Variants in NDUFA10 observed in about 807,000 individuals in gnomAD.
NDUFA10 encodes the protein NADH dehydrogenase [ubiquinone] 1 alpha subcomplex subunit 10, mitochondrial.
In NDUFA10, 40 loss-of-function variants were observed where a neutral mutation model predicts 47.8. The observed-to-expected ratio is 0.84, with a 90% CI of 0.65 to 1.09. The LOEUF (loss-of-function observed/expected upper bound fraction) is 1.09. NDUFA10 is among the 50% of genes least tolerant of loss of function. NDUFA10 has a pLI of 0.00. For missense variants in NDUFA10, 413 were observed against 451.1 expected (o/e 0.92, Z 0.76); for synonymous variants, 183 against 172.2 (o/e 1.06, Z -0.49).
At chr2:239,924,136 T>C (rs563820760) in intron 4 of NDUFA10, among the ~76,000 whole-genome samples, 1 of 152,220 alleles carries the variant, frequency 6.6e-6, no homozygotes, top group East Asian at 1.9e-4. Flanking sequence ...GAGTAATTAG[T>C]GCCAATTATA....
chr2:240,015,113 C>T (rs1414402493), intron 4 of NDUFA10, among the ~76,000 whole-genome samples: 2 of 152,224 alleles, frequency 1.3e-5, no homozygotes, highest in Non-Finnish European at 2.9e-5. Flanking sequence ...TTGTCGCCTC[C>T]ACTGTATTTA....
chr2:239,934,654 G>A (rs1694234467), intron 4 of NDUFA10, among the ~76,000 whole-genome samples: 1 of 152,132 alleles, frequency 6.6e-6, no homozygotes, highest in Non-Finnish European at 1.5e-5. Context: ...TGATTAGTAA[G>A]TGCAGAGTCA....
At chr2:239,993,742 G>A (rs779636355) in intron 8 of NDUFA10, among the ~76,000 whole-genome samples, 18 of 152,196 alleles carry the variant, frequency 1.2e-4, no homozygotes, top group Non-Finnish European at 2.1e-4. Flanking sequence ...TTAGAGACAA[G>A]GGAGAGAAGT....
chr2:239,907,923 T>C (rs1341792188), intron 4 of NDUFA10, among the ~76,000 whole-genome samples: 5 of 152,172 alleles, frequency 3.3e-5, no homozygotes, highest in Non-Finnish European at 5.9e-5. Context: ...ATATAAATCG[T>C]GCTGCTATAA....
intron 8 of NDUFA10, among the ~76,000 whole-genome samples, chr2:239,992,745 G>T (rs575047601): frequency 6.6e-5 from 10 of 152,276 alleles, no homozygotes; most frequent in African/African-American, 2.4e-4. Context: ...TAGGGATGTG[G>T]ATATGAACAA....
chr2:239,914,114 C>A (rs1194751908), intron 4 of NDUFA10, among the ~76,000 whole-genome samples: 1 of 152,166 alleles, frequency 6.6e-6, no homozygotes, highest in Non-Finnish European at 1.5e-5. Flanking sequence ...GCAACACACA[C>A]AGACACACAC....
chr2:240,001,606 T>G (rs571729446), intron 8 of NDUFA10, among the ~76,000 whole-genome samples: 2 of 152,316 alleles, frequency 1.3e-5, no homozygotes, highest in Middle Eastern at 3.4e-3. Flanking sequence ...TATGAAATGG[T>G]GAGTCTCTGG....
At chr2:239,913,520 G>A (rs1693790012) in intron 4 of NDUFA10, among the ~76,000 whole-genome samples, 1 of 152,166 alleles carries the variant, frequency 6.6e-6, no homozygotes, top group African/African-American at 2.4e-5. Flanking sequence ...CACCTCAGAC[G>A]CCTCCACGTG....
At position 239,912,187 on chromosome 2, in the gene NDUFA10, C is replaced by A. The variant is rs1161301242; in HGVS notation, c.295-16873G>T. On this transcript the variant is annotated intron_variant, in intron 4 of 5. Coordinates refer to the NDUFA10 transcript ENST00000419408. ...TCTGGGCGGCACACAGAGCACCCAG[C>A]ACTTTGCACCCCCCTCTGGTCCTGC... 2.0e-5 allele frequency among the ~76,000 whole-genome samples: 3 copies of A among 152,192 alleles called. No individual in the cohort carries two copies. The East Asian group carries it at 5.8e-4, about 29-fold the overall frequency.
chr2:239,957,366 GTA>G (rs573846161), downstream of NDUFA10: 157 of 152,242 alleles, frequency 1.0e-3, no homozygotes, highest in African/African-American at 3.7e-3. Flanking sequence ...TAATCACCAG[GTA>G]TAGTCTCATT....
At chr2:240,025,181 CGCCACCCTGCCACCCCGCCACCCT>C (rs1409558639) in intron 1 of NDUFA10, 22 bp downstream of exon 1, 1 of 617,754 alleles carries the variant, frequency 1.6e-6, no homozygotes, top group African/African-American at 3.0e-5. Context: ...CCCGCCACCC[CGCCACCCTGCCACCCCGCCACCCT>C]GCCACCCCGC....
At chr2:239,930,569 C>T (rs987757276) in intron 4 of NDUFA10, among the ~76,000 whole-genome samples, 12 of 152,056 alleles carry the variant, frequency 7.9e-5, no homozygotes, top group African/African-American at 2.4e-4. Flanking sequence ...CCCTGCCTGC[C>T]GCCCCCAAAG....
chr2:239,943,261 AG>A (rs1278310729), intron 4 of NDUFA10, among the ~76,000 whole-genome samples: 1 of 152,236 alleles, frequency 6.6e-6, no homozygotes, highest in East Asian at 1.9e-4. Flanking sequence ...GCTTGGTGGC[AG>A]GTCAGAGCCA....
At chr2:239,931,962 A>C (rs1004512591) in intron 4 of NDUFA10, among the ~76,000 whole-genome samples, 41 of 147,732 alleles carry the variant, frequency 2.8e-4, no homozygotes, top group Non-Finnish European at 2.4e-4. Flanking sequence ...CAGCCTCCCA[A>C]GTAGCTGGGA....
At chr2:239,900,315 C>CATATATATATATATATATATATATAT (rs142452963) in intron 4 of NDUFA10, among the ~76,000 whole-genome samples, 1 of 142,734 alleles carries the variant, frequency 7.0e-6, no homozygotes, top group African/African-American at 2.6e-5. Context: ...AACTCCCCTT[C>CATATATATATATATATATATATATAT]ATATATATAT....
downstream of NDUFA10, among the ~76,000 whole-genome samples, chr2:239,953,463 T>C (rs1307828107): frequency 1.3e-5 from 2 of 152,214 alleles, no homozygotes; most frequent in African/African-American, 2.4e-5. Context: ...CTGCTCCGCG[T>C]TGATCTGGGC....
chr2:239,989,968 C>G (rs1696176582), intron 9 of NDUFA10, 106 bp downstream of exon 9: 1 of 853,988 alleles, frequency 1.2e-6, no homozygotes, highest in African/African-American at 1.7e-5. Flanking sequence ...CTAAAACAAA[C>G]AAAACACAGC....
intron 4 of NDUFA10, among the ~76,000 whole-genome samples, chr2:239,917,815 C>T (rs1693902085): frequency 6.6e-6 from 1 of 152,240 alleles, no homozygotes; most frequent in South Asian, 2.1e-4. Flanking sequence ...TAAAGATCCT[C>T]CTGCTTTACC....
chr2:240,018,958 C>G (rs577897034), intron 3 of NDUFA10, among the ~76,000 whole-genome samples: 12 of 152,258 alleles, frequency 7.9e-5, no homozygotes, highest in African/African-American at 2.2e-4. Context: ...CTCCTGCCCC[C>G]ACCATTCCAG....
Sources: allele counts gnomAD v4.1 joint callset (sites outside exome capture counted in the v4.1 genomes callset), GRCh38; gene constraint gnomAD v4.1.1; transcripts MANE v1.5; gene names NCBI Gene and HGNC (gene_info 2026-07-23, HGNC 2026-07-21).